TMEM259: variants seen among roughly 807,000 people sequenced by gnomAD.
TMEM259 encodes membralin.
Under a neutral mutation model 46.7 loss-of-function variants are expected in TMEM259, and 26 were observed. The ratio of observed to expected loss-of-function variants is 0.56; its 90% CI spans 0.41 to 0.77. TMEM259 has a LOEUF of 0.77. Ranked by LOEUF, TMEM259 falls within the 30% of genes least tolerant of loss-of-function variation. The pLI is 0.00. For missense variants in TMEM259, 930 were observed against 900.5 expected, an observed-to-expected ratio of 1.03 and a Z score of -0.42; for synonymous variants, 494 against 395.1, an observed-to-expected ratio of 1.25 and a Z score of -2.97.
rs952652380 is a variant in TMEM259 at position 1,017,513 on chromosome 19, G to A, written c.226-3040C>T. The A allele has an allele frequency of 1.0e-5, 4 of 398,420 alleles. No individual in the cohort carries two copies. The Admixed American group carries it at 1.3e-4, about 13-fold the overall frequency. 24.7% of individuals were successfully genotyped at this position (398,420 alleles called of 1,614,324 possible). A position where few individuals can be genotyped will look rare whatever the true frequency, so the allele number is the denominator to read the frequency against. ...ACCTCCAGGAGGCCCTGCCCACCCAGCACAGGAGTCACCCCACCCCTATGA... is the reference window on the plus strand; with the variant it reads ...ACCTCCAGGAGGCCCTGCCCACCCAACACAGGAGTCACCCCACCCCTATGA... On this transcript the variant is annotated intron_variant, in intron 1 of 10. Transcript: ENST00000356663.
chr19:1,010,474 G>C lies in TMEM259; in HGVS notation c.1739C>G (p.Pro580Arg). Residue 580 changes from proline (P) to arginine (R), a missense_variant, in exon 11 of 11, where the codon CCC becomes CGC. Transcript: ENST00000356663. ...LGPAGGLPHA[P>R]QDSVPPSDSA... ...GTCACTCGGGGGGACACTGTCCTGG[G>C]GGGCGTGGGGGAGGCCCCCAGCAGG... 1 of 1,545,652 alleles carries C rather than the reference G, an allele frequency of 6.5e-7. No individual in the cohort carries two copies. The highest frequency in any genetic ancestry group is 8.7e-7 in the Non-Finnish European group (1 of 1,145,512).
Position 1,013,004 on chromosome 19 carries a change from A to G in TMEM259, c.607+237T>C, listed in dbSNP as rs571321431. ...AGAGCCGAAGGGATCCATCCCCTCC[A>G]AGTCGCCGTTCACGAGGATCCCAGA... On this transcript the variant is annotated intron_variant, in intron 3 of 10. Coordinates refer to ENST00000356663, the MANE Select transcript of TMEM259 (RefSeq NM_001033026.2). 6.6e-5 allele frequency among the ~76,000 whole-genome samples: 10 copies of G among 152,246 alleles called. No homozygotes were observed. The South Asian group carries it at 1.2e-3, about 19-fold the overall frequency.
At chr19:1,016,293 C>T (rs935823290) in intron 1 of TMEM259, among the ~76,000 whole-genome samples, 4 of 152,180 alleles carry the variant, frequency 2.6e-5, no homozygotes, top group Non-Finnish European at 4.4e-5. Context: ...GGGGCAGCCC[C>T]GGAGCCTGAG....
intron 1 of TMEM259, among the ~76,000 whole-genome samples, chr19:1,018,304 C>T (rs1216457273): frequency 6.6e-6 from 1 of 152,242 alleles, no homozygotes; most frequent in African/African-American, 2.4e-5. Flanking sequence ...CTGGCACTGC[C>T]TGGCATTTCC....
intron 2 of TMEM259, chr19:1,013,652 G>A: frequency 3.1e-6 from 1 of 323,466 alleles, no homozygotes; most frequent in Non-Finnish European, 5.8e-6. Flanking sequence ...TCTTGGGGTT[G>A]GCTCTGTGGG....
chr19:1,016,237 G>A (rs2039108168), intron 1 of TMEM259, among the ~76,000 whole-genome samples: 1 of 152,138 alleles, frequency 6.6e-6, no homozygotes, highest in Non-Finnish European at 1.5e-5. Context: ...CTGCTGGGGA[G>A]GGTTCCCCTG....
intron 2 of TMEM259, 109 bp from the exon 3 acceptor site, chr19:1,013,449 G>T: frequency 8.9e-7 from 1 of 1,127,020 alleles, no homozygotes. Context: ...CTCAGCCTCT[G>T]CCCCACCACT....
chr19:1,011,984 G>A lies in TMEM259; in HGVS notation c.850C>T (p.Arg284Trp), dbSNP rs2038948064. ...TAGTGCTCGCCCGACACCACATTCC[G>A]CAGGAAGCCTGCAGCAGAAGGAGCC... ...AENEENKGFL[R>W]NVVSGEHYRF... The change falls in exon 6 of 11, where the codon CGG becomes TGG. Residue 284 changes from arginine (R) to tryptophan (W), a missense_variant. Coordinates refer to ENST00000356663, the MANE Select transcript of TMEM259 (RefSeq NM_001033026.2). 1.2e-6 allele frequency: 2 copies of A among 1,612,042 alleles called. No homozygotes were observed. Among genetic ancestry groups the A allele is most frequent in the South Asian group, 1.1e-5 (1 of 91,064 alleles).
intron 4 of TMEM259, 134 bp downstream of exon 4, chr19:1,012,329 G>A (rs2038961775): frequency 2.7e-6 from 4 of 1,496,484 alleles, no homozygotes; most frequent in Non-Finnish European, 3.6e-6. Flanking sequence ...CCCCAGCCCT[G>A]GGAAGCGTGC....
chr19:1,017,064 C>T (rs766316983), intron 1 of TMEM259, among the ~76,000 whole-genome samples: 43 of 152,142 alleles, frequency 2.8e-4, no homozygotes, highest in Admixed American at 1.6e-3. Context: ...GGCCCGTTGC[C>T]GCCAAAGCCT....
chr19:1,016,659 G>A (rs966290389), intron 1 of TMEM259, among the ~76,000 whole-genome samples: 2 of 152,162 alleles, frequency 1.3e-5, no homozygotes, highest in Non-Finnish European at 2.9e-5. Context: ...CAGAGGTCCC[G>A]ACAGACCTGG....
chr19:1,014,293 T>A lies in TMEM259; in HGVS notation c.406A>T (p.Ser136Cys). Residue 136 changes from serine (S) to cysteine (C), a missense_variant, in exon 2 of 11, where the codon AGC (serine) becomes TGC (cysteine). Physicochemically the swap from Ser to Cys is moderately radical, Grantham distance 112. Coordinates refer to ENST00000356663, the MANE Select transcript of TMEM259 (RefSeq NM_001033026.2). ...LQFCDSGGRG[S>C]FPGLAVEPGS... Reference sequence around the variant, plus strand: ...GGTTCCACGGCCAGGCCCGGGAAGCTCCCGCGGCCGCCGCTGTCACAGAAC... The same window carrying A: ...GGTTCCACGGCCAGGCCCGGGAAGCACCCGCGGCCGCCGCTGTCACAGAAC... The A allele has an allele frequency of 6.2e-7, 1 of 1,612,696 alleles. No homozygotes were observed. The highest frequency in any genetic ancestry group is 8.5e-7 in the Non-Finnish European group (1 of 1,179,808).
rs893088933 is a variant in TMEM259 at position 1,009,721 on chromosome 19, T to C, written c.*629A>G. Reference sequence around the variant, plus strand: ...TACACTGCAATTAAATAGAATGGAATGAGCGCTCCTCCGCATTCCTCCCCG... The same window carrying C: ...TACACTGCAATTAAATAGAATGGAACGAGCGCTCCTCCGCATTCCTCCCCG... On this transcript the variant is annotated 3_prime_UTR_variant, in exon 11 of 11. Coordinates refer to ENST00000356663, the MANE Select transcript of TMEM259 (RefSeq NM_001033026.2). 1.1e-6 allele frequency: 1 copy of C among 895,544 alleles called. No individual in the cohort carries two copies. The highest frequency in any genetic ancestry group is 1.5e-6 in the Non-Finnish European group (1 of 652,376). 55.5% of individuals were successfully genotyped at this position (895,544 alleles called of 1,614,324 possible). A position where few individuals can be genotyped will look rare whatever the true frequency, so the allele number is the denominator to read the frequency against.
chr19:1,020,769 C>T lies in TMEM259; in HGVS notation c.225+3G>A. ...AAGGGTCGGGGGTCGGGGCCGCGGT[C>T]ACCTTGAGCAGCACGAAGAACTCGA... On this transcript the variant is annotated splice_donor_region_variant and intron_variant, in intron 1 of 10. Coordinates refer to ENST00000356663, the MANE Select transcript of TMEM259 (RefSeq NM_001033026.2). This position sits in a 1 kb window ranked among gnomAD's most constrained non-coding sequence, Gnocchi z 4.0. 7.6e-7 allele frequency: 1 copy of T among 1,322,314 alleles called. No individual in the cohort carries two copies. Among genetic ancestry groups the T allele is most frequent in the Non-Finnish European group, 9.7e-7 (1 of 1,029,150 alleles). 81.9% of individuals were successfully genotyped at this position (1,322,314 alleles called of 1,614,324 possible).
chr19:1,011,866 C>T (rs913854154), intron 6 of TMEM259, 26 bp downstream of exon 6: 2 of 1,599,978 alleles, frequency 1.3e-6, no homozygotes, highest in Non-Finnish European at 1.7e-6. Flanking sequence ...CCCGGCCAGC[C>T]CCCGCACCCG....
chr19:1,016,949 C>T (rs1489561571), intron 1 of TMEM259, among the ~76,000 whole-genome samples: 1 of 152,206 alleles, frequency 6.6e-6, no homozygotes, highest in Non-Finnish European at 1.5e-5. Context: ...GACGCTATGA[C>T]TCAGACGTCA....
At chr19:1,011,836 G>C (rs756185577) in intron 6 of TMEM259, 38 bp from the exon 7 acceptor site, 1 of 1,589,858 alleles carries the variant, frequency 6.3e-7, no homozygotes, top group Non-Finnish European at 8.6e-7. Flanking sequence ...GAGGGGCTGC[G>C]AGGGCCTGCT....
chr19:1,013,483 G>A, intron 2 of TMEM259, 143 bp from the exon 3 acceptor site: 1 of 734,706 alleles, frequency 1.4e-6, no homozygotes, highest in South Asian at 1.8e-5. Flanking sequence ...TGGACTACGT[G>A]TGCCTCCCGC....
rs1274013650 is a variant in TMEM259, at chr19:1,020,129, C to A, written c.225+643G>T. The stretch of plus-strand genomic sequence containing the variant: ...GGAAGAGGCCGGGGATGGGGTGGTA[C>A]GCTGCTGCCGGTGACTTTGCCGCTA... On this transcript the variant is annotated intron_variant, in intron 1 of 10. Coordinates refer to ENST00000356663, the MANE Select transcript of TMEM259 (RefSeq NM_001033026.2). The surrounding 1 kb of genome is among the most constrained non-coding windows in gnomAD (Gnocchi z 4.0). Among the ~76,000 whole-genome samples the A allele has an allele frequency of 6.6e-6, 1 of 152,056 alleles. No individual in the cohort carries two copies. The highest frequency in any genetic ancestry group is 6.6e-5 in the Admixed American group (1 of 15,264).
Sources: gnomAD v4.1 joint callset for allele counts (sites outside exome capture counted in the v4.1 genomes callset) on GRCh38, gnomAD v4.1.1 for gene constraint, Gnocchi (gnomAD v3.1) non-coding constraint, MANE v1.5 for transcripts, NCBI Gene and HGNC (gene_info 2026-07-23, HGNC 2026-07-21) for gene names.